Variants in TMEM74 observed in about 807,000 individuals in gnomAD.
The protein encoded by TMEM74 is transmembrane protein 74.
In TMEM74, 13 loss-of-function variants were observed where a neutral mutation model predicts 18.1. The ratio of observed to expected loss-of-function variants is 0.72; its 90% CI spans 0.47 to 1.14. TMEM74 has a LOEUF of 1.14. TMEM74 is among the 50% of genes most tolerant of loss of function. The pLI is 0.00. For missense variants in TMEM74, 372 were observed against 375.9 expected (o/e 0.99, Z 0.09); for synonymous variants, 159 against 146.6 (o/e 1.08, Z -0.61).
intron 1 of TMEM74, among the ~76,000 whole-genome samples, chr8:108,726,280 A>T (rs1202646560): frequency 6.6e-6 from 1 of 152,186 alleles, no homozygotes; most frequent in Admixed American, 6.5e-5. Context: ...AGTCCAGGTA[A>T]GGTAAAATTC....
At chr8:108,680,476 C>A (rs1372766825) in intron 1 of TMEM74, among the ~76,000 whole-genome samples, 1 of 152,146 alleles carries the variant, frequency 6.6e-6, no homozygotes, top group Non-Finnish European at 1.5e-5. Flanking sequence ...ACCCTTCATG[C>A]TAAAAACTCT....
chr8:108,761,951 AC>A (rs1814049589), intron 1 of TMEM74, among the ~76,000 whole-genome samples: 1 of 152,288 alleles, frequency 6.6e-6, no homozygotes, highest in African/African-American at 2.4e-5. Context: ...TGGAATAAAG[AC>A]CCTTAAAGAC....
intron 1 of TMEM74, among the ~76,000 whole-genome samples, chr8:108,691,752 A>C (rs1454156929): frequency 1.3e-5 from 2 of 152,208 alleles, no homozygotes; most frequent in African/African-American, 4.8e-5. Flanking sequence ...ATAAATTCAC[A>C]GTGTTCTACA....
intron 2 of TMEM74, among the ~76,000 whole-genome samples, chr8:108,625,528 T>G (rs531676667): frequency 6.6e-6 from 1 of 152,146 alleles, no homozygotes; most frequent in Non-Finnish European, 1.5e-5. Context: ...TAGATTTTCT[T>G]TTCCAAACAA....
chr8:108,766,854 A>G (rs1814113128), intron 1 of TMEM74, among the ~76,000 whole-genome samples: 1 of 152,168 alleles, frequency 6.6e-6, no homozygotes, highest in South Asian at 2.1e-4. Context: ...TGTAAGTCCA[A>G]AAGTCCAAAA....
At position 108,699,180 on chromosome 8, in the gene TMEM74, C is replaced by CCTTCCTTCCTTCCTTCCTTT. The variant is rs1227020915; in HGVS notation, n.120-43744_120-43743insAAAGGAAGGAAGGAAGGAAG. On this transcript the variant is annotated intron_variant and non_coding_transcript_variant, in intron 1 of 3. Transcript: ENST00000518838. The stretch of plus-strand genomic sequence containing the variant: ...TCCTTCCTTCCTTCCTTCCTTCCTT[C>CCTTCCTTCCTTCCTTCCTTT]CTTCCTCCCTCCCTCCCTCCCTCCC... 5.4e-3 allele frequency among the ~76,000 whole-genome samples: 519 copies of CCTTCCTTCCTTCCTTCCTTT among 95,258 alleles called. 11 individuals are homozygous for CCTTCCTTCCTTCCTTCCTTT. Among genetic ancestry groups the CCTTCCTTCCTTCCTTCCTTT allele is most frequent in the African/African-American group, 0.024 (499 of 20,532 alleles). The allele number at this position is 95,258 out of a possible 152,430, so 62.5% of individuals were successfully genotyped here.
At chr8:108,614,035 G>GTTT (rs11393201) in intron 2 of TMEM74, among the ~76,000 whole-genome samples, 4 of 137,104 alleles carry the variant, frequency 2.9e-5, no homozygotes, top group Non-Finnish European at 4.7e-5. Context: ...TTTTCATAAG[G>GTTT]TTTTTTTTTT....
Position 108,633,178 on chromosome 8 carries a change from T to G in TMEM74, n.264+22115A>C, listed in dbSNP as rs541558524. Among the ~76,000 whole-genome samples, 69 of 151,976 alleles carry G rather than the reference T, an allele frequency of 4.5e-4. 1 individual carries two copies. Among genetic ancestry groups the G allele is most frequent in the Non-Finnish European group, 7.5e-4 (51 of 67,940 alleles). On this transcript the variant is annotated intron_variant and non_coding_transcript_variant, in intron 2 of 3. Coordinates refer to the TMEM74 transcript ENST00000518838. ...GAGGATTACTGTAATAATCGCTGAC[T>G]TTTTCCCCCACCATTTTATACTTGT...
At chr8:108,744,570 T>C (rs1813831589) in intron 1 of TMEM74, among the ~76,000 whole-genome samples, 1 of 152,172 alleles carries the variant, frequency 6.6e-6, no homozygotes, top group African/African-American at 2.4e-5. Flanking sequence ...ACATTTTACG[T>C]AAGAGAAGGT....
intron 1 of TMEM74, among the ~76,000 whole-genome samples, chr8:108,656,377 A>T (rs1474408735): frequency 6.6e-6 from 1 of 152,122 alleles, no homozygotes. Flanking sequence ...TCCTACTTTG[A>T]TCTTCATCTG....
At chr8:108,632,894 TG>T (rs1314855975) in intron 2 of TMEM74, among the ~76,000 whole-genome samples, 3 of 152,030 alleles carry the variant, frequency 2.0e-5, no homozygotes, top group Non-Finnish European at 2.9e-5. Context: ...AAGTAGAACA[TG>T]TTCTTCTAGT....
intron 2 of TMEM74, among the ~76,000 whole-genome samples, chr8:108,620,822 G>A (rs1020486929): frequency 6.6e-6 from 1 of 152,000 alleles, no homozygotes; most frequent in African/African-American, 2.4e-5. Context: ...TCCTTGATAG[G>A]TTCTTAGTAA....
intron 1 of TMEM74, among the ~76,000 whole-genome samples, chr8:108,737,762 G>C (rs1447710264): frequency 6.6e-6 from 1 of 152,070 alleles, no homozygotes; most frequent in Admixed American, 6.6e-5. Flanking sequence ...GGAATGTTTT[G>C]AATAGCATTT....
chr8:108,736,783 G>A (rs965696653), intron 1 of TMEM74, among the ~76,000 whole-genome samples: 4 of 152,076 alleles, frequency 2.6e-5, no homozygotes, highest in African/African-American at 9.7e-5. Flanking sequence ...AGTTTGTTGT[G>A]CAGGTAGGTC....
At chr8:108,746,022 C>T (rs781555572) in intron 1 of TMEM74, among the ~76,000 whole-genome samples, 17 of 152,058 alleles carry the variant, frequency 1.1e-4, no homozygotes, top group South Asian at 4.1e-4. Flanking sequence ...ATTGCTCACT[C>T]GGGGAGCTTG....
intron 2 of TMEM74, among the ~76,000 whole-genome samples, chr8:108,639,122 AG>A (rs1812635443): frequency 6.6e-6 from 1 of 152,104 alleles, no homozygotes; most frequent in South Asian, 2.1e-4. Context: ...AGCCTGAGTG[AG>A]CCCTTACTGA....
chr8:108,670,035 GAA>G (rs1192889404), intron 1 of TMEM74, among the ~76,000 whole-genome samples: 5 of 60,886 alleles, frequency 8.2e-5, no homozygotes, highest in African/African-American at 2.6e-4. Flanking sequence ...AAGATTCTGT[GAA>G]AAAAAAAAAA....
intron 2 of TMEM74, among the ~76,000 whole-genome samples, chr8:108,633,823 G>A (rs898973402): frequency 1.3e-5 from 2 of 151,816 alleles, no homozygotes; most frequent in African/African-American, 4.8e-5. Flanking sequence ...AAAGATTTGG[G>A]GCAACTAAAC....
chr8:108,613,659 G>C (rs1255275530), intron 2 of TMEM74, among the ~76,000 whole-genome samples: 1 of 152,114 alleles, frequency 6.6e-6, no homozygotes, highest in Non-Finnish European at 1.5e-5. Context: ...TCAAATAGAA[G>C]TTTGCATTTT....
Sources: gnomAD v4.1 joint callset for allele counts (sites outside exome capture counted in the v4.1 genomes callset) on GRCh38, gnomAD v4.1.1 for gene constraint, MANE v1.5 for transcripts, NCBI Gene and HGNC (gene_info 2026-07-23, HGNC 2026-07-21) for gene names.